Variants in RAB10 observed in about 807,000 individuals in gnomAD.
RAB10 encodes the protein RAB10, member RAS oncogene family.
RAB10 carries 5 observed loss-of-function variants against 25.7 expected under a neutral mutation model. The ratio of observed to expected loss-of-function variants is 0.19; its 90% CI spans 0.10 to 0.41. RAB10 has a LOEUF of 0.41. Ranked by LOEUF, RAB10 falls within the 10% of genes least tolerant of loss-of-function variation. The pLI is 1.00. For synonymous variants in RAB10, 89 were observed against 86.4 expected (o/e 1.03, Z -0.16); for missense variants, 103 against 245.8 (o/e 0.42, Z 3.89).
At position 26,105,416 on chromosome 2, in the gene RAB10, C is replaced by T. The variant is rs565087750; in HGVS notation, c.189-4352C>T. On this transcript the variant is annotated intron_variant, in intron 2 of 5. Coordinates refer to ENST00000264710, the MANE Select transcript of RAB10 (RefSeq NM_016131.5). ...CTGTAATCTCAGCACTTTGGGAGGC[C>T]GAGGCAGGCAGATCACCTGAGGTCA... Among the ~76,000 whole-genome samples, 15 of 152,004 alleles carry T rather than the reference C, an allele frequency of 9.9e-5. 1 individual carries two copies. The highest frequency in any genetic ancestry group is 2.7e-4 in the African/African-American group (11 of 41,456).
intron 1 of RAB10, among the ~76,000 whole-genome samples, chr2:26,096,165 T>C (rs1193955912): frequency 2.0e-5 from 3 of 152,216 alleles, no homozygotes; most frequent in Non-Finnish European, 4.4e-5. Context: ...CTCAAATTTG[T>C]CTGCAAATTT....
At chr2:26,122,625 C>CA (rs775681640) in intron 3 of RAB10, among the ~76,000 whole-genome samples, 8,768 of 88,334 alleles carry the variant, frequency 0.099, 325 homozygotes, top group Middle Eastern at 0.18. Context: ...GACTCTGTCT[C>CA]AAAAAAAAAA....
At chr2:26,114,668 G>A (rs1278677767) in intron 3 of RAB10, among the ~76,000 whole-genome samples, 1 of 150,966 alleles carries the variant, frequency 6.6e-6, no homozygotes, top group African/African-American at 2.5e-5. Context: ...AGGTGGGTGG[G>A]TCGCTGGAGC....
In RAB10 at chr2:26,098,109, C is replaced by CTTTTTTTTTTTTTTTTTTTTT. The variant is rs57174956; in HGVS notation, c.128-545_128-525dup. On this transcript the variant is annotated intron_variant, in intron 1 of 5. Transcript: ENST00000264710. ...CTTCTTTTTCTTTCTTTCTTTCTTT[C>CTTTTTTTTTTTTTTTTTTTTT]TTTTTTTTTTTTTTTTTTTTTTTTT... 7.8e-4 allele frequency among the ~76,000 whole-genome samples: 41 copies of CTTTTTTTTTTTTTTTTTTTTT among 52,722 alleles called. 2 individuals are homozygous for CTTTTTTTTTTTTTTTTTTTTT. The highest frequency in any genetic ancestry group is 9.6e-4 in the Non-Finnish European group (29 of 30,230). 34.6% of individuals were successfully genotyped at this position (52,722 alleles called of 152,430 possible).
Position 26,095,606 on chromosome 2 carries a change from CAAA to C in RAB10, c.128-3045_128-3043del, listed in dbSNP as rs894230727. On this transcript the variant is annotated intron_variant, in intron 1 of 5. Transcript: ENST00000264710. ...TGGGCGACAGAGCGAGACTCCGTCT[CAAA>C]AAAAAAAAAAGCAAGCTCAGGTTGG... Among the ~76,000 whole-genome samples, 65 of 125,118 alleles carry C rather than the reference CAAA, an allele frequency of 5.2e-4. 2 individuals are homozygous for C. In the South Asian group the frequency reaches 0.015, roughly 30 times the overall value. The allele number at this position is 125,118 out of a possible 152,430, so 82.1% of individuals were successfully genotyped here.
At chr2:26,089,503 CCTT>C in intron 1 of RAB10, among the ~76,000 whole-genome samples, 1 of 151,844 alleles carries the variant, frequency 6.6e-6, no homozygotes, top group East Asian at 1.9e-4. Flanking sequence ...AAACATACCT[CCTT>C]CTCTGTTAGC....
At chr2:26,117,266 A>T (rs531857818) in intron 3 of RAB10, among the ~76,000 whole-genome samples, 1 of 152,116 alleles carries the variant, frequency 6.6e-6, no homozygotes, top group East Asian at 1.9e-4. Context: ...GTGTTTTTGA[A>T]CTAGGCTGGG....
At chr2:26,123,893 T>C (rs1425499419) in intron 3 of RAB10, among the ~76,000 whole-genome samples, 1 of 152,140 alleles carries the variant, frequency 6.6e-6, no homozygotes, top group Non-Finnish European at 1.5e-5. Context: ...AAACTGAGTG[T>C]GCCTGCCTCC....
At chr2:26,066,393 A>G (rs1427801490) in intron 1 of RAB10, among the ~76,000 whole-genome samples, 2 of 152,334 alleles carry the variant, frequency 1.3e-5, no homozygotes, top group South Asian at 2.1e-4. Context: ...TTCAGACACA[A>G]TTTTACAATA....
At chr2:26,070,988 C>G (rs1159728825) in intron 1 of RAB10, among the ~76,000 whole-genome samples, 1 of 152,056 alleles carries the variant, frequency 6.6e-6, no homozygotes, top group East Asian at 1.9e-4. Context: ...AAATTGCTGA[C>G]CTTAGCATGA....
chr2:26,096,573 C>G (rs1667224072), intron 1 of RAB10, among the ~76,000 whole-genome samples: 2 of 152,074 alleles, frequency 1.3e-5, no homozygotes, highest in African/African-American at 4.8e-5. Context: ...CAAGTTAAGC[C>G]CTATAGGGAA....
intron 1 of RAB10, among the ~76,000 whole-genome samples, chr2:26,083,457 C>T (rs1446634872): frequency 6.9e-6 from 1 of 144,942 alleles, no homozygotes; most frequent in Non-Finnish European, 1.5e-5. Flanking sequence ...ACCTTCCCCT[C>T]CTTTCTCCTT....
intron 1 of RAB10, among the ~76,000 whole-genome samples, chr2:26,085,407 T>G (rs1398722807): frequency 6.6e-6 from 1 of 151,286 alleles, no homozygotes; most frequent in East Asian, 1.9e-4. Flanking sequence ...GGAGAATCGC[T>G]TGATCTGGGA....
chr2:26,055,541 C>T (rs1376600475), intron 1 of RAB10, among the ~76,000 whole-genome samples: 1 of 152,064 alleles, frequency 6.6e-6, no homozygotes, highest in Non-Finnish European at 1.5e-5. Flanking sequence ...GTGCACACCA[C>T]TGCGCCCAGC....
intron 1 of RAB10, among the ~76,000 whole-genome samples, chr2:26,091,300 G>C (rs976841611): frequency 6.6e-6 from 1 of 152,152 alleles, no homozygotes; most frequent in African/African-American, 2.4e-5. Context: ...AAGGTTAGAA[G>C]TGTTAATAGA....
At chr2:26,053,730 A>AT (rs1380303004) in intron 1 of RAB10, among the ~76,000 whole-genome samples, 1 of 147,804 alleles carries the variant, frequency 6.8e-6, no homozygotes, top group Admixed American at 6.7e-5. Context: ...TTTTTTTTTT[A>AT]TTTTTTGAGA....
At chr2:26,038,265 CTG>C (rs1665808621) in intron 1 of RAB10, among the ~76,000 whole-genome samples, 1 of 150,712 alleles carries the variant, frequency 6.6e-6, no homozygotes, top group Admixed American at 6.6e-5. Flanking sequence ...GGCACAATCT[CTG>C]TTCACTGCAA....
intron 3 of RAB10, among the ~76,000 whole-genome samples, chr2:26,115,685 CTA>C (rs1491109928): frequency 1.3e-5 from 2 of 151,854 alleles, no homozygotes; most frequent in African/African-American, 4.8e-5. Context: ...TCGTAAATAA[CTA>C]AAAAAACACT....
At chr2:26,069,833 G>A (rs1666587516) in intron 1 of RAB10, among the ~76,000 whole-genome samples, 1 of 151,904 alleles carries the variant, frequency 6.6e-6, no homozygotes, top group South Asian at 2.1e-4. Context: ...AGCCTCCCAA[G>A]TAGCTGGGAC....
Sources: gnomAD v4.1 joint callset for allele counts (sites outside exome capture counted in the v4.1 genomes callset) on GRCh38, gnomAD v4.1.1 for gene constraint, MANE v1.5 for transcripts, NCBI Gene and HGNC (gene_info 2026-07-23, HGNC 2026-07-21) for gene names.